The following ATP9A variants were observed in gnomAD, a reference collection of about 807,000 sequenced individuals.
The protein encoded by ATP9A is probable phospholipid-transporting ATPase IIA.
A neutral mutation model predicts 144.1 loss-of-function variants in ATP9A; 52 were observed. The observed-to-expected ratio is 0.36, with a 90% confidence interval of 0.29 to 0.45. The LOEUF (loss-of-function observed/expected upper bound fraction) is 0.45, where lower values mean the gene tolerates loss of function less well. ATP9A is among the 20% of genes least tolerant of loss of function. The probability of loss-of-function intolerance (pLI) is 1.00; values close to 1 mark genes in which losing one functional copy is unlikely to be tolerated. For synonymous variants in ATP9A, 582 were observed against 557.4 expected, an observed-to-expected ratio of 1.04 and a Z score of -0.62; for missense variants, 947 against 1,392.7, an observed-to-expected ratio of 0.68 and a Z score of 5.09.
chr20:51,670,480 G>A lies in ATP9A; in HGVS notation c.1181-371C>T, dbSNP rs114118788. Among the ~76,000 whole-genome samples, 661 of 152,256 alleles carry A rather than the reference G, an allele frequency of 4.3e-3. 6 individuals carry two copies. The highest frequency in any genetic ancestry group is 0.015 in the African/African-American group (621 of 41,552). On this transcript the variant is annotated intron_variant, in intron 12 of 27. Transcript: ENST00000338821. ...TTGAGTAGAAAGATACATCCCTAAT[G>A]GCAGAGCCCTACAGAGACCACCTGG...
intron 3 of ATP9A, among the ~76,000 whole-genome samples, chr20:51,715,341 T>C (rs1386787917): frequency 6.6e-6 from 1 of 152,184 alleles, no homozygotes; most frequent in Admixed American, 6.5e-5. Context: ...AATCAAAGCA[T>C]AACCAGACCA....
rs529961906 is a variant in ATP9A, at chr20:51,633,234, C to T, written c.1669-4162G>A. Among the ~76,000 whole-genome samples, 6 of 152,200 alleles carry T rather than the reference C, an allele frequency of 3.9e-5. No homozygotes were observed. In the South Asian group the frequency reaches 8.3e-4, roughly 21 times the overall value. ...GGCACATTCTTTCAACAGAACGCTG[C>T]ACATGCGTTAAAAATCATTAAAATC... On this transcript the variant is annotated intron_variant, in intron 15 of 27. Transcript: ENST00000338821.
intron 2 of ATP9A, among the ~76,000 whole-genome samples, chr20:51,728,704 T>A (rs2077726631): frequency 2.0e-5 from 3 of 151,656 alleles, no homozygotes; most frequent in Admixed American, 1.3e-4. Context: ...AGTCTGAGGC[T>A]GCAATAAGCT....
At chr20:51,626,638 C>T (rs11700232) in intron 17 of ATP9A, among the ~76,000 whole-genome samples, 66,360 of 151,090 alleles carry the variant, frequency 0.44, 15,441 homozygotes, top group East Asian at 0.68. Flanking sequence ...AGCGAGACCC[C>T]GTCTCAGAAT....
intron 13 of ATP9A, among the ~76,000 whole-genome samples, chr20:51,663,662 T>C (rs944276458): frequency 1.3e-5 from 2 of 151,758 alleles, no homozygotes; most frequent in Non-Finnish European, 2.9e-5. Context: ...GGCATGGTGG[T>C]AGGCGCCTGT....
rs371852401 is a variant in ATP9A, at chr20:51,756,994, G to C, written c.68+11308C>G. Among the ~76,000 whole-genome samples the C allele has an allele frequency of 1.3e-4, 20 of 152,134 alleles. 3 individuals are homozygous for C. The highest frequency in any genetic ancestry group is 2.0e-4 in the Admixed American group (3 of 15,262). On this transcript the variant is annotated intron_variant, in intron 1 of 27. Transcript: ENST00000338821. ...AGTGAGTATCAGCTTCCTTAGTCCA[G>C]TGGCTCTGAGGGCCATTCACCCCCC...
At chr20:51,624,099 C>T (rs1053682075) in intron 18 of ATP9A, among the ~76,000 whole-genome samples, 7 of 152,208 alleles carry the variant, frequency 4.6e-5, no homozygotes, top group African/African-American at 1.7e-4. Flanking sequence ...AAATGGGCCT[C>T]CAGCGGCCAG....
intron 1 of ATP9A, among the ~76,000 whole-genome samples, chr20:51,760,499 G>A (rs1469364092): frequency 1.3e-5 from 2 of 152,138 alleles, no homozygotes; most frequent in Non-Finnish European, 2.9e-5. Context: ...GGCCAAGGCA[G>A]GCGGATCACC....
rs746854321 is a variant in ATP9A, at chr20:51,674,322, C to T, written c.877-9G>A. 13 of 1,611,936 alleles carry T rather than the reference C, an allele frequency of 8.1e-6. No individual in the cohort carries two copies. Among genetic ancestry groups the T allele is most frequent in the South Asian group, 4.4e-5 (4 of 91,030 alleles). On this transcript the variant is annotated splice_polypyrimidine_tract_variant and intron_variant, in intron 10 of 27. Coordinates refer to ENST00000338821, the MANE Select transcript of ATP9A (RefSeq NM_006045.3). The stretch of plus-strand genomic sequence containing the variant: ...AAGTCGAACAGGCCGATCTGTGGGA[C>T]GAAGCACAAACCAGGGCTTGAGATG...
Position 51,642,726 on chromosome 20 carries a change from C to CAAAAAAAAAAAAAAAAAAAAAA in ATP9A, c.1507-3244_1507-3223dup, listed in dbSNP as rs778440862. On this transcript the variant is annotated intron_variant, in intron 14 of 27. Coordinates refer to ENST00000338821, the MANE Select transcript of ATP9A (RefSeq NM_006045.3). ...GGGTGACTGAGTGAGACTCTGTCTC[C>CAAAAAAAAAAAAAAAAAAAAAA]AAAAAAAAAAAAAAAAAAAAAAAAA... 4.5e-4 allele frequency among the ~76,000 whole-genome samples: 14 copies of CAAAAAAAAAAAAAAAAAAAAAA among 31,138 alleles called. 1 individual carries two copies. Among genetic ancestry groups the CAAAAAAAAAAAAAAAAAAAAAA allele is most frequent in the Non-Finnish European group, 8.2e-4 (11 of 13,448 alleles). 20.4% of individuals were successfully genotyped at this position (31,138 alleles called of 152,430 possible).
rs1184967832 is a variant in ATP9A at position 51,656,870 on chromosome 20, C to T, written c.1506+68G>A. ...CCTGACACATTGCTTCCTTAGAAAA[C>T]GCCTAATTCCAGCACAGAGAAAACA... On this transcript the variant is annotated intron_variant, in intron 14 of 27. Transcript: ENST00000338821. 57 of 1,441,578 alleles carry T rather than the reference C, an allele frequency of 4.0e-5. No individual in the cohort carries two copies. The East Asian group carries it at 8.6e-4, about 22-fold the overall frequency. 89.3% of individuals were successfully genotyped at this position (1,441,578 alleles called of 1,614,324 possible). A position where few individuals can be genotyped will look rare whatever the true frequency, so the allele number is the denominator to read the frequency against.
intron 3 of ATP9A, 82 bp downstream of exon 3, chr20:51,725,737 C>T: frequency 1.0e-6 from 1 of 971,906 alleles, no homozygotes; most frequent in Non-Finnish European, 1.6e-6. Context: ...CATCCCATTC[C>T]AGATGCCTAA....
chr20:51,682,738 C>G (rs1232956992), intron 9 of ATP9A, among the ~76,000 whole-genome samples: 1 of 149,478 alleles, frequency 6.7e-6, no homozygotes, highest in Non-Finnish European at 1.5e-5. Context: ...ATTACAGGCA[C>G]GCACCACCAC....
At chr20:51,755,828 G>T (rs1460444867) in intron 1 of ATP9A, among the ~76,000 whole-genome samples, 1 of 152,016 alleles carries the variant, frequency 6.6e-6, no homozygotes, top group African/African-American at 2.4e-5. Context: ...GGTGGTGGGC[G>T]CCTGTAGTCC....
chr20:51,744,017 A>G (rs1180340256), intron 1 of ATP9A, among the ~76,000 whole-genome samples: 1 of 145,094 alleles, frequency 6.9e-6, no homozygotes, highest in Non-Finnish European at 1.6e-5. Flanking sequence ...AAAAAAAAAA[A>G]AGTTATTTTT....
At chr20:51,638,076 TATATATATATATATATATATATATATATA>T (rs2077301552) in intron 15 of ATP9A, among the ~76,000 whole-genome samples, 1 of 13,738 alleles carries the variant, frequency 7.3e-5, no homozygotes, top group Middle Eastern at 0.038. Flanking sequence ...TCATTTTATA[TATATATATATATATATATATATATATATA>T]TATATATATA....
intron 1 of ATP9A, among the ~76,000 whole-genome samples, chr20:51,752,705 T>G (rs1180993328): frequency 6.6e-6 from 1 of 152,210 alleles, no homozygotes; most frequent in Non-Finnish European, 1.5e-5. Flanking sequence ...TTGGTCAGGC[T>G]TATCCGATCC....
chr20:51,642,646 A>G (rs2077324386), intron 14 of ATP9A, among the ~76,000 whole-genome samples: 1 of 137,676 alleles, frequency 7.3e-6, no homozygotes, highest in African/African-American at 2.7e-5. Context: ...AGATTGATTC[A>G]GCCTGGGAGG....
intron 1 of ATP9A, among the ~76,000 whole-genome samples, chr20:51,731,261 T>G (rs1461293464): frequency 6.6e-6 from 1 of 151,676 alleles, no homozygotes; most frequent in Non-Finnish European, 1.5e-5. Flanking sequence ...CTATTGCCAC[T>G]GCACTCCAGC....
Sources: gnomAD v4.1 joint callset for allele counts (sites outside exome capture counted in the v4.1 genomes callset) on GRCh38, gnomAD v4.1.1 for gene constraint, MANE v1.5 for transcripts, NCBI Gene and HGNC (gene_info 2026-07-23, HGNC 2026-07-21) for gene names.